The following GRHL2 variants were observed in gnomAD, a reference collection of about 807,000 sequenced individuals.
The protein encoded by GRHL2 is grainyhead-like protein 2 homolog.
Under a neutral mutation model 83.8 loss-of-function variants are expected in GRHL2, and 21 were observed. The ratio of observed to expected loss-of-function variants is 0.25; its 90% CI spans 0.18 to 0.36. The LOEUF is 0.36. Ranked by LOEUF, GRHL2 falls within the 10% of genes least tolerant of loss-of-function variation. The pLI is 1.00. For synonymous variants in GRHL2, 280 were observed against 278.9 expected (o/e 1.00, Z -0.04); for missense variants, 623 against 781.8 (o/e 0.80, Z 2.42).
intron 1 of GRHL2, among the ~76,000 whole-genome samples, chr8:101,495,123 G>A (rs1394822077): frequency 6.6e-6 from 1 of 152,188 alleles, no homozygotes; most frequent in African/African-American, 2.4e-5. Flanking sequence ...CATGGGGTGG[G>A]GACTGTAAGT....
chr8:101,609,851 C>T (rs1812712582), intron 8 of GRHL2, among the ~76,000 whole-genome samples: 1 of 150,976 alleles, frequency 6.6e-6, no homozygotes, highest in African/African-American at 2.5e-5. Flanking sequence ...ACAGTTTACC[C>T]TTCTGTGCCT....
chr8:101,574,728 A>G (rs2130234583), intron 6 of GRHL2, among the ~76,000 whole-genome samples: 1 of 152,374 alleles, frequency 6.6e-6, no homozygotes, highest in Middle Eastern at 3.4e-3. Context: ...CTGTGTGCCC[A>G]TCAGGAGAAT....
intron 14 of GRHL2, among the ~76,000 whole-genome samples, chr8:101,657,970 ATC>A (rs1813834849): frequency 6.6e-6 from 1 of 152,310 alleles, no homozygotes; most frequent in South Asian, 2.1e-4. Flanking sequence ...TGTGTGGGTG[ATC>A]TCATCCAGCC....
At chr8:101,546,465 A>C in intron 2 of GRHL2, among the ~76,000 whole-genome samples, 1 of 150,802 alleles carries the variant, frequency 6.6e-6, no homozygotes, top group East Asian at 2.0e-4. Context: ...GCTGGAGTGC[A>C]GTGGCATGAT....
chr8:101,529,763 A>C (rs553119564), intron 1 of GRHL2, among the ~76,000 whole-genome samples: 1 of 152,182 alleles, frequency 6.6e-6, no homozygotes, highest in Non-Finnish European at 1.5e-5. Flanking sequence ...AAAAGTGAAG[A>C]GTTAGACTGA....
chr8:101,502,745 C>CCTCCTCTTCCTCCTATTCTTT (rs1177991111), intron 1 of GRHL2, among the ~76,000 whole-genome samples: 1 of 152,002 alleles, frequency 6.6e-6, no homozygotes, highest in East Asian at 1.9e-4. Flanking sequence ...TCCTCCTCCT[C>CCTCCTCTTCCTCCTATTCTTT]CTCCTCTTCC....
At chr8:101,656,905 C>CACACACACACACACACACACAG (rs1554597412) in intron 14 of GRHL2, among the ~76,000 whole-genome samples, 1 of 149,682 alleles carries the variant, frequency 6.7e-6, no homozygotes, top group South Asian at 2.2e-4. Context: ...CACACACACA[C>CACACACACACACACACACACAG]AGGCAATGAC....
intron 1 of GRHL2, among the ~76,000 whole-genome samples, chr8:101,494,313 TAAG>T (rs1452006760): frequency 6.6e-6 from 1 of 152,132 alleles, no homozygotes; most frequent in Non-Finnish European, 1.5e-5. Context: ...TAGGCGAACC[TAAG>T]AAAATGCGCT....
intron 7 of GRHL2, among the ~76,000 whole-genome samples, chr8:101,583,199 A>G (rs1218296659): frequency 6.6e-6 from 1 of 152,212 alleles, no homozygotes; most frequent in Non-Finnish European, 1.5e-5. Context: ...TTGTAATGGG[A>G]TATCTGTATT....
chr8:101,674,160 G>A (rs1441137667), downstream of GRHL2, among the ~76,000 whole-genome samples: 4 of 152,034 alleles, frequency 2.6e-5, no homozygotes, highest in Admixed American at 2.6e-4. Context: ...AGAAAAGCAA[G>A]AGCAAACACA....
At chr8:101,509,273 CTT>C (rs1563556378) in intron 1 of GRHL2, among the ~76,000 whole-genome samples, 1 of 138,664 alleles carries the variant, frequency 7.2e-6, no homozygotes, top group African/African-American at 2.7e-5. Context: ...TTAAGAAACA[CTT>C]TGGTTGTTTA....
intron 3 of GRHL2, among the ~76,000 whole-genome samples, chr8:101,555,972 T>C (rs546071514): frequency 6.6e-6 from 1 of 152,248 alleles, no homozygotes; most frequent in Admixed American, 6.5e-5. Context: ...ATTTTTTTTT[T>C]GAGATGGGGT....
At chr8:101,632,445 T>C (rs1813205452) in intron 11 of GRHL2, 80 bp downstream of exon 11, 2 of 1,535,548 alleles carry the variant, frequency 1.3e-6, no homozygotes, top group South Asian at 1.1e-5. Flanking sequence ...TTTCAGACAG[T>C]GTTGACCTCA....
chr8:101,498,263 T>C (rs1221405964), intron 1 of GRHL2, among the ~76,000 whole-genome samples: 1 of 152,058 alleles, frequency 6.6e-6, no homozygotes, highest in Admixed American at 6.5e-5. Context: ...GGATTACAGG[T>C]GTGTGCTGCC....
intron 7 of GRHL2, among the ~76,000 whole-genome samples, chr8:101,577,787 A>G (rs1242281144): frequency 2.0e-5 from 3 of 152,238 alleles, no homozygotes; most frequent in Admixed American, 6.5e-5. Context: ...GACCATTTCA[A>G]TTCCTAAAAC....
chr8:101,675,719 C>A, the GRHL2 span, among the ~76,000 whole-genome samples: 7 of 152,078 alleles, frequency 4.6e-5, no homozygotes, highest in Non-Finnish European at 5.9e-5. Context: ...CTTTAAAGTT[C>A]ATATGGAACC....
intron 6 of GRHL2, among the ~76,000 whole-genome samples, chr8:101,574,990 T>C (rs912910081): frequency 6.6e-6 from 1 of 152,154 alleles, no homozygotes; most frequent in Non-Finnish European, 1.5e-5. Flanking sequence ...CAAGGTTACA[T>C]AGCTAAAAGG....
chr8:101,578,337 G>C (rs1031923137), intron 7 of GRHL2, among the ~76,000 whole-genome samples: 1 of 152,250 alleles, frequency 6.6e-6, no homozygotes, highest in Middle Eastern at 3.4e-3. Flanking sequence ...CAGAATTGCT[G>C]CCAGAGACAT....
chr8:101,502,927 C>T (rs1052164245), intron 1 of GRHL2, among the ~76,000 whole-genome samples: 2 of 151,934 alleles, frequency 1.3e-5, no homozygotes, highest in African/African-American at 4.8e-5. Context: ...AAAATATTGC[C>T]AAGTGAATAG....
Sources: gnomAD v4.1 joint callset for allele counts (sites outside exome capture counted in the v4.1 genomes callset) on GRCh38, gnomAD v4.1.1 for gene constraint, MANE v1.5 for transcripts, NCBI Gene and HGNC (gene_info 2026-07-23, HGNC 2026-07-21) for gene names.